The following ARHGAP39 variants were observed in gnomAD, a reference collection of about 807,000 sequenced individuals.
The protein encoded by ARHGAP39 is Rho GTPase activating protein 39.
ARHGAP39 carries 44 observed loss-of-function variants against 106.9 expected under a neutral mutation model. The ratio of observed to expected loss-of-function variants is 0.41; its 90% CI spans 0.32 to 0.53. The LOEUF (loss-of-function observed/expected upper bound fraction) is 0.53, where lower values mean the gene tolerates loss of function less well. ARHGAP39 is among the 20% of genes least tolerant of loss of function. The pLI is 0.21. For missense variants in ARHGAP39, 1,496 were observed against 1,577.3 expected (o/e 0.95, Z 0.87); for synonymous variants, 768 against 693.2 (o/e 1.11, Z -1.69).
chr8:144,561,602 TCGCGCTC>T lies in ARHGAP39; in HGVS notation c.513-5966_513-5960del, dbSNP rs1235796629. ...TTCCATCGGACCCCAGTGGTTTCCATCGCGCTCCAGTGGTTTCCATCGGACCCCAGTG... is the reference window on the plus strand; with the variant it reads ...TTCCATCGGACCCCAGTGGTTTCCATCAGTGGTTTCCATCGGACCCCAGTG... On this transcript the variant is annotated intron_variant, in intron 3 of 11. Transcript: ENST00000377307. 5.6e-4 allele frequency among the ~76,000 whole-genome samples: 68 copies of T among 121,230 alleles called. 2 individuals are homozygous for T. The Middle Eastern group carries it at 0.036, about 64-fold the overall frequency. 79.5% of individuals were successfully genotyped at this position (121,230 alleles called of 152,430 possible).
chr8:144,578,808 C>T (rs1818860624), intron 3 of ARHGAP39, among the ~76,000 whole-genome samples: 1 of 151,964 alleles, frequency 6.6e-6, no homozygotes, highest in Admixed American at 6.6e-5. Context: ...TGCACCACTG[C>T]ACTCCAGCCC....
Position 144,646,293 on chromosome 8 carries a change from AG to A in ARHGAP39, c.-82+39392del, listed in dbSNP as rs1403092095. ...GGGGCCCCAAACAGGAGTGAGAACA[AG>A]GGCGCCTGTGTTGTTTCATCGGCAA... On this transcript the variant is annotated intron_variant, in intron 1 of 11. Coordinates refer to ENST00000377307, the MANE Select transcript of ARHGAP39 (RefSeq NM_025251.3). This position sits in a 1 kb window ranked among gnomAD's most constrained non-coding sequence, Gnocchi z 5.7. Among the ~76,000 whole-genome samples, 1 of 152,104 alleles carries A rather than the reference AG, an allele frequency of 6.6e-6. No individual in the cohort carries two copies. The highest frequency in any genetic ancestry group is 2.4e-5 in the African/African-American group (1 of 41,426).
rs1385724632 is a variant in ARHGAP39, at chr8:144,537,791, G to C, written c.2544C>G (p.Leu848=). Reference sequence around the variant, plus strand: ...ACTTCTTCTTAGTGTTTCTTTCCAGGAGCTCTTTTATGTGCTGTGTCACTG... The same window carrying C: ...ACTTCTTCTTAGTGTTTCTTTCCAGCAGCTCTTTTATGTGCTGTGTCACTG... ...DTKVTQHIKE[L]LERNTKKKSK... is the part of the protein sequence containing the mutation. Residue 848 remains leucine, a synonymous_variant, in exon 7 of 12, where the codon CTC becomes CTG. Coordinates refer to ENST00000377307, the MANE Select transcript of ARHGAP39 (RefSeq NM_025251.3). The C allele has an allele frequency of 6.2e-7, 1 of 1,614,130 alleles. No individual in the cohort carries two copies. The highest frequency in any genetic ancestry group is 8.5e-7 in the Non-Finnish European group (1 of 1,180,010).
At chr8:144,552,633 G>A (rs185570372) in intron 4 of ARHGAP39, among the ~76,000 whole-genome samples, 2 of 152,268 alleles carry the variant, frequency 1.3e-5, no homozygotes, top group Non-Finnish European at 2.9e-5. Flanking sequence ...TGTTCTAGGT[G>A]TGGTCTCTTG....
At position 144,548,278 on chromosome 8, in the gene ARHGAP39, T is replaced by C. The variant is rs765601912; in HGVS notation, c.808A>G (p.Arg270Gly). 3 of 1,608,864 alleles carry C rather than the reference T, an allele frequency of 1.9e-6. No individual in the cohort carries two copies. The highest frequency in any genetic ancestry group is 2.7e-5 in the African/African-American group (2 of 74,884). ...CTCTTCAGGAAGGGTGACGGCCTCC[T>C]CTCTGGGAAGAAGATGGTGCCGTCA... ...EADGTIFFPE[R>G]RPSPFLKRAE... Residue 270 changes from arginine (R) to glycine (G), a missense_variant, in exon 5 of 12, where the codon AGG becomes GGG. This residue lies in a region of ARHGAP39 where 905 missense variants were observed against 816.4 expected (regional missense o/e 1.11). Transcript: ENST00000377307. The surrounding 1 kb of genome is among the most constrained non-coding windows in gnomAD (Gnocchi z 7.4).
chr8:144,667,160 C>T (rs1821984872), intron 1 of ARHGAP39, among the ~76,000 whole-genome samples: 2 of 152,146 alleles, frequency 1.3e-5, no homozygotes, highest in Non-Finnish European at 1.5e-5. Flanking sequence ...GATGCAGCAC[C>T]CTGATGCTCC....
At chr8:144,545,939 T>C in intron 5 of ARHGAP39, 129 bp from the exon 6 acceptor site, 1 of 752,348 alleles carries the variant, frequency 1.3e-6, no homozygotes. Context: ...AGCCCTGCCC[T>C]GCTCACCACA....
Position 144,529,212 on chromosome 8 carries a change from T to C in ARHGAP39, c.*1210A>G, listed in dbSNP as rs1816540846. On this transcript the variant is annotated 3_prime_UTR_variant, in exon 12 of 12. Transcript: ENST00000377307. Reference sequence around the variant, plus strand: ...ATGTGCACTTTATTCACTCGTGTCGTCGCCTCTCGGGTCCATGCGTCGGGG... The same window carrying C: ...ATGTGCACTTTATTCACTCGTGTCGCCGCCTCTCGGGTCCATGCGTCGGGG... The C allele has an allele frequency of 6.8e-6, 2 of 293,826 alleles. No homozygotes were observed. Among genetic ancestry groups the C allele is most frequent in the Admixed American group, 1.1e-4 (2 of 18,620 alleles). The allele number at this position is 293,826 out of a possible 1,614,324, so 18.2% of individuals were successfully genotyped here. A position where few individuals can be genotyped will look rare whatever the true frequency, so the allele number is the denominator to read the frequency against.
At chr8:144,564,803 A>C (rs1336860616) in intron 3 of ARHGAP39, among the ~76,000 whole-genome samples, 1 of 146,892 alleles carries the variant, frequency 6.8e-6, no homozygotes, top group Non-Finnish European at 1.5e-5. Flanking sequence ...CAACATAGTG[A>C]GATCTCTAAA....
intron 2 of ARHGAP39, among the ~76,000 whole-genome samples, chr8:144,589,252 C>G (rs1260549424): frequency 6.6e-6 from 1 of 152,202 alleles, no homozygotes; most frequent in Non-Finnish European, 1.5e-5. Context: ...TAAGTAGTCT[C>G]CATATTTTAA....
At chr8:144,600,634 C>T (rs1819847293) in intron 2 of ARHGAP39, among the ~76,000 whole-genome samples, 1 of 141,870 alleles carries the variant, frequency 7.0e-6, no homozygotes, top group South Asian at 2.3e-4. Context: ...ACTTGGGTAC[C>T]TACCTGCGTG....
chr8:144,635,461 C>T (rs569748185), intron 1 of ARHGAP39, among the ~76,000 whole-genome samples: 1 of 152,358 alleles, frequency 6.6e-6, no homozygotes, highest in African/African-American at 2.4e-5. Context: ...CCTCACCCTA[C>T]GCTTCTCTTC....
At chr8:144,601,307 C>CGT (rs1819920071) in intron 2 of ARHGAP39, among the ~76,000 whole-genome samples, 1 of 124,372 alleles carries the variant, frequency 8.0e-6, no homozygotes, top group African/African-American at 3.2e-5. Context: ...TGCTCATGTA[C>CGT]CTGTGTGTGT....
chr8:144,644,652 CCTT>C lies in ARHGAP39; in HGVS notation c.-81-38960_-81-38958del, dbSNP rs1821399137. ...GAGTCACTTGAAGCGGCATCCGAGG[CCTT>C]CTCTCACTACAGGCCCTTGGGAGCA... On this transcript the variant is annotated intron_variant, in intron 1 of 11. Transcript: ENST00000377307. The surrounding 1 kb of genome is among the most constrained non-coding windows in gnomAD (Gnocchi z 4.8). Among the ~76,000 whole-genome samples, 1 of 152,242 alleles carries C rather than the reference CCTT, an allele frequency of 6.6e-6. No individual in the cohort carries two copies. The highest frequency in any genetic ancestry group is 2.4e-5 in the African/African-American group (1 of 41,466).
In ARHGAP39 at chr8:144,581,236, C is replaced by A; in HGVS notation, c.122G>T (p.Arg41Leu). ...VEIIEPRTRE[R>L]MYANLVTGEC... ...ACCGGTGACCAGGTTGGCGTACATG[C>A]GCTCGCGGGTGCGCGGTTCGATGAT... Residue 41 changes from arginine (R) to leucine (L), a missense_variant, in exon 3 of 12, where the codon CGC (arginine) becomes CTC (leucine). Physicochemically the swap from Arg to Leu is moderately radical, Grantham distance 102. Transcript: ENST00000377307. The A allele has an allele frequency of 6.4e-7, 1 of 1,554,058 alleles. No individual in the cohort carries two copies. Among genetic ancestry groups the A allele is most frequent in the African/African-American group, 1.4e-5 (1 of 73,644 alleles).
At position 144,548,274 on chromosome 8, in the gene ARHGAP39, C is replaced by T. The variant is rs770924292; in HGVS notation, c.812G>A (p.Arg271Lys). The T allele has an allele frequency of 1.1e-5, 18 of 1,608,930 alleles. No individual in the cohort carries two copies. The highest frequency in any genetic ancestry group is 1.4e-5 in the Non-Finnish European group (17 of 1,177,822). Residue 271 changes from arginine (R) to lysine (K), a missense_variant, in exon 5 of 12, where the codon AGG (arginine) becomes AAG (lysine). By Grantham distance (26) the Arg-to-Lys change is conservative (BLOSUM62 2). Coordinates refer to ENST00000377307, the MANE Select transcript of ARHGAP39 (RefSeq NM_025251.3). The surrounding 1 kb of genome is among the most constrained non-coding windows in gnomAD (Gnocchi z 7.4). ...GGCCCTCTTCAGGAAGGGTGACGGCCTCCTCTCTGGGAAGAAGATGGTGCC... is the reference window on the plus strand; with the variant it reads ...GGCCCTCTTCAGGAAGGGTGACGGCTTCCTCTCTGGGAAGAAGATGGTGCC... The part of the protein sequence containing the change: ...ADGTIFFPER[R>K]PSPFLKRAEL...
intron 1 of ARHGAP39, among the ~76,000 whole-genome samples, chr8:144,634,188 A>G (rs1821132872): frequency 1.4e-5 from 2 of 143,226 alleles, no homozygotes; most frequent in Non-Finnish European, 3.0e-5. Context: ...CCTGTCTGGA[A>G]CTCCAGGCCT....
intron 2 of ARHGAP39, among the ~76,000 whole-genome samples, chr8:144,601,211 G>A (rs1233303004): frequency 7.1e-6 from 1 of 140,684 alleles, no homozygotes; most frequent in Non-Finnish European, 1.5e-5. Flanking sequence ...CATGTGCGTG[G>A]AGGTGCGTGT....
chr8:144,680,473 A>G (rs1340067952), intron 1 of ARHGAP39, among the ~76,000 whole-genome samples: 2 of 151,990 alleles, frequency 1.3e-5, no homozygotes, highest in Non-Finnish European at 2.9e-5. Context: ...CAGTGTACTG[A>G]CCCCTGGTCT....
Sources: gnomAD v4.1 joint callset for allele counts (sites outside exome capture counted in the v4.1 genomes callset) on GRCh38, gnomAD v4.1.1 for gene constraint, gnomAD v4.1.1 regional missense constraint, Gnocchi (gnomAD v3.1) non-coding constraint, MANE v1.5 for transcripts, NCBI Gene and HGNC (gene_info 2026-07-23, HGNC 2026-07-21) for gene names.